Variants in GRIN3A observed in about 807,000 individuals in gnomAD.
The protein encoded by GRIN3A is glutamate receptor ionotropic, NMDA 3A.
In GRIN3A, 47 loss-of-function variants were observed where a neutral mutation model predicts 92.4. That is an observed-to-expected ratio of 0.51 (90% CI 0.40 to 0.65). GRIN3A has a LOEUF of 0.65. GRIN3A is among the 30% of genes least tolerant of loss of function. The pLI is 0.00. For missense variants in GRIN3A, 1,324 were observed against 1,393.1 expected (o/e 0.95, Z 0.79); for synonymous variants, 527 against 540.6 (o/e 0.97, Z 0.35).
At position 101,738,395 on chromosome 9, in the gene GRIN3A, C is replaced by G; in HGVS notation, c.-416G>C. On this transcript the variant is annotated 5_prime_UTR_variant, in exon 1 of 9. Coordinates refer to ENST00000361820, the MANE Select transcript of GRIN3A (RefSeq NM_133445.3). The stretch of plus-strand genomic sequence containing the variant: ...GTGACAGAGGAGCGACGCGCTCTCG[C>G]CTGGATTCTTTTCCTTTTCTGCCCA... 4.1e-6 allele frequency: 1 copy of G among 242,068 alleles called. No individual in the cohort carries two copies. The highest frequency in any genetic ancestry group is 5.2e-5 in the South Asian group (1 of 19,366). 15.0% of individuals were successfully genotyped at this position (242,068 alleles called of 1,614,324 possible).
rs186790659 is a variant in GRIN3A at position 101,584,736 on chromosome 9, G to A, written c.2767-5376C>T. 1.9e-3 allele frequency among the ~76,000 whole-genome samples: 287 copies of A among 152,316 alleles called. 1 individual carries two copies. Among genetic ancestry groups the A allele is most frequent in the African/African-American group, 6.3e-3 (263 of 41,560 alleles). On this transcript the variant is annotated intron_variant, in intron 6 of 8. Coordinates refer to ENST00000361820, the MANE Select transcript of GRIN3A (RefSeq NM_133445.3). The stretch of plus-strand genomic sequence containing the variant: ...AAAAGGAGATGTTTGTACTATCACA[G>A]GTGTGGTCTCTGACCAGATCAGTAA...
At chr9:101,717,336 C>T (rs373332795) in intron 1 of GRIN3A, among the ~76,000 whole-genome samples, 3 of 152,086 alleles carry the variant, frequency 2.0e-5, no homozygotes, top group Admixed American at 6.5e-5. Flanking sequence ...ATACTCAGAT[C>T]GTGTGTGAAG....
chr9:101,689,538 T>C (rs2485537), intron 1 of GRIN3A, among the ~76,000 whole-genome samples: 120,253 of 152,094 alleles, frequency 0.79, 48,015 homozygotes, highest in African/African-American at 0.87. Flanking sequence ...CTACAAACAA[T>C]TCTACTGAGA....
At chr9:101,643,895 T>C (rs954422269) in intron 3 of GRIN3A, among the ~76,000 whole-genome samples, 10 of 151,542 alleles carry the variant, frequency 6.6e-5, no homozygotes, top group African/African-American at 2.4e-4. Flanking sequence ...CCAGGGACTG[T>C]GGAGAGGATG....
intron 3 of GRIN3A, among the ~76,000 whole-genome samples, chr9:101,630,144 C>A (rs1446866552): frequency 6.6e-6 from 1 of 152,156 alleles, no homozygotes; most frequent in African/African-American, 2.4e-5. Context: ...TATGTAAAGT[C>A]TTTTGTCTTG....
chr9:101,609,926 T>C (rs1313737568), intron 6 of GRIN3A, among the ~76,000 whole-genome samples: 1 of 152,236 alleles, frequency 6.6e-6, no homozygotes, highest in Admixed American at 6.5e-5. Context: ...CTTGAACTCC[T>C]GGGCTCAAAT....
intron 8 of GRIN3A, 92 bp downstream of exon 8, chr9:101,577,676 A>T: frequency 1.1e-6 from 1 of 948,216 alleles, no homozygotes; most frequent in Non-Finnish European, 1.7e-6. Flanking sequence ...TCTTTTGATA[A>T]ATTGCCCTGA....
intron 3 of GRIN3A, among the ~76,000 whole-genome samples, chr9:101,633,632 G>T (rs542350764): frequency 2.0e-5 from 3 of 152,268 alleles, no homozygotes; most frequent in African/African-American, 7.2e-5. Context: ...TCTCATAGGA[G>T]CATGAACCCT....
At position 101,573,222 on chromosome 9, in the gene GRIN3A, T is replaced by C. The variant is rs201133370; in HGVS notation, c.3300A>G (p.Lys1100=). ...RQELQLAVSR[K]TELEEYQRTS... is the part of the protein sequence containing the mutation. The stretch of plus-strand genomic sequence containing the variant: ...TCCTTTGATACTCCTCCAGCTCCGT[T>C]TTCCTGCTCACAGCCAGCTGCAGCT... The change falls in exon 9 of 9, where the codon AAA becomes AAG. Residue 1100 remains lysine, a synonymous_variant. Transcript: ENST00000361820. 1 of 1,614,076 alleles carries C rather than the reference T, an allele frequency of 6.2e-7. No homozygotes were observed. Among genetic ancestry groups the C allele is most frequent in the South Asian group, 1.1e-5 (1 of 91,082 alleles).
intron 1 of GRIN3A, among the ~76,000 whole-genome samples, chr9:101,716,037 C>G (rs1829941900): frequency 6.6e-6 from 1 of 152,056 alleles, no homozygotes; most frequent in South Asian, 2.1e-4. Flanking sequence ...CCACTTTTTC[C>G]AAATCATCCA....
chr9:101,719,229 C>T (rs1481501828), intron 1 of GRIN3A, among the ~76,000 whole-genome samples: 1 of 151,982 alleles, frequency 6.6e-6, no homozygotes, highest in African/African-American at 2.4e-5. Context: ...CCAGCCTGGC[C>T]AACATAGTCA....
At chr9:101,711,936 C>T (rs1462185341) in intron 1 of GRIN3A, among the ~76,000 whole-genome samples, 1 of 152,196 alleles carries the variant, frequency 6.6e-6, no homozygotes, top group Admixed American at 6.5e-5. Flanking sequence ...GGGTAAAGGT[C>T]TGAACCTGAG....
At chr9:101,676,815 G>A (rs1355143966) in intron 2 of GRIN3A, among the ~76,000 whole-genome samples, 1 of 151,216 alleles carries the variant, frequency 6.6e-6, no homozygotes, top group Non-Finnish European at 1.5e-5. Flanking sequence ...GCTCAATAAA[G>A]TCCTTATCAT....
At chr9:101,616,831 T>G (rs1828461486) in intron 5 of GRIN3A, among the ~76,000 whole-genome samples, 1 of 144,392 alleles carries the variant, frequency 6.9e-6, no homozygotes. Context: ...GCACGGCACA[T>G]GTATACATAT....
chr9:101,686,968 A>G lies in GRIN3A; in HGVS notation c.932T>C (p.Leu311Pro). 9 of 1,614,206 alleles carry G rather than the reference A, an allele frequency of 5.6e-6. No individual in the cohort carries two copies. Among genetic ancestry groups the G allele is most frequent in the Middle Eastern group, 1.7e-4 (1 of 6,060 alleles). The change falls in exon 2 of 9, where the codon CTA becomes CCA. Residue 311 changes from leucine (L) to proline (P), a missense_variant. By Grantham distance (98) the Leu-to-Pro change is moderately conservative. Coordinates refer to ENST00000361820, the MANE Select transcript of GRIN3A (RefSeq NM_133445.3). Reference protein sequence around the residue: ...LPSTQDLLSFLQIQLESIKNS... With the variant: ...LPSTQDLLSFPQIQLESIKNS... ...CTTAATACTCTCAAGCTGGATCTGTAGGAAGCTCAAGAGGTCCTGGGTGGA... is the reference window on the plus strand; with the variant it reads ...CTTAATACTCTCAAGCTGGATCTGTGGGAAGCTCAAGAGGTCCTGGGTGGA...
intron 3 of GRIN3A, among the ~76,000 whole-genome samples, chr9:101,643,683 T>A (rs13286800): frequency 0.4 from 56,837 of 142,628 alleles, 11,086 homozygotes; most frequent in African/African-American, 0.5. Context: ...TCTCTCTCTC[T>A]CACACACACA....
chr9:101,650,945 C>A (rs1829007627), intron 3 of GRIN3A, among the ~76,000 whole-genome samples: 1 of 151,956 alleles, frequency 6.6e-6, no homozygotes, highest in African/African-American at 2.4e-5. Context: ...AGTTAGCCAT[C>A]CTTGTGGGTA....
chr9:101,612,178 C>T (rs1391376012), intron 6 of GRIN3A, among the ~76,000 whole-genome samples: 2 of 152,024 alleles, frequency 1.3e-5, no homozygotes, highest in Non-Finnish European at 2.9e-5. Context: ...TTATAGTGGT[C>T]CAGGTGAAGA....
chr9:101,570,724 C>T lies in GRIN3A; in HGVS notation c.*2450G>A, dbSNP rs1213023310. ...AGGGCGATCTGGCATGTGATCACCA[C>T]TGCTCAGAATGCCTCACTAGAGAAG... On this transcript the variant is annotated 3_prime_UTR_variant, in exon 9 of 9. Transcript: ENST00000361820. The T allele has an allele frequency of 1.3e-5, 2 of 152,630 alleles. No homozygotes were observed. The highest frequency in any genetic ancestry group is 2.4e-5 in the African/African-American group (1 of 41,438). The allele number at this position is 152,630 out of a possible 1,614,324, so 9.5% of individuals were successfully genotyped here. A position where few individuals can be genotyped will look rare whatever the true frequency, so the allele number is the denominator to read the frequency against.
Sources: allele counts gnomAD v4.1 joint callset (sites outside exome capture counted in the v4.1 genomes callset), GRCh38; gene constraint gnomAD v4.1.1; transcripts MANE v1.5; gene names NCBI Gene and HGNC (gene_info 2026-07-23, HGNC 2026-07-21).